Variants in TBC1D2B observed in about 807,000 individuals in gnomAD.
TBC1D2B encodes TBC1 domain family member 2B.
TBC1D2B carries 64 observed loss-of-function variants against 100.8 expected under a neutral mutation model. The observed-to-expected ratio is 0.64, with a 90% CI of 0.52 to 0.78. The LOEUF is 0.78. Among genes scored for constraint, TBC1D2B ranks in the 30% least tolerant of loss-of-function variants. The pLI is 0.00. For synonymous variants in TBC1D2B, 480 were observed against 479.7 expected (o/e 1.00, Z -0.01); for missense variants, 1,052 against 1,218.4 (o/e 0.86, Z 2.03).
intron 8 of TBC1D2B, among the ~76,000 whole-genome samples, chr15:78,016,187 T>TC (rs1440877250): frequency 1.3e-5 from 2 of 152,156 alleles, no homozygotes; most frequent in Non-Finnish European, 2.9e-5. Context: ...TAAGCTCAGT[T>TC]CCCCACTTAA....
intron 2 of TBC1D2B, among the ~76,000 whole-genome samples, chr15:78,048,900 T>C (rs951315999): frequency 7.9e-5 from 12 of 152,120 alleles, no homozygotes; most frequent in African/African-American, 2.2e-4. Context: ...AGAATTCTCA[T>C]AAAACTCAAC....
chr15:78,004,135 A>T (rs2071998233), intron 10 of TBC1D2B, among the ~76,000 whole-genome samples: 1 of 152,234 alleles, frequency 6.6e-6, no homozygotes, highest in Admixed American at 6.5e-5. Context: ...AATGAGGCTT[A>T]TATAAACTAC....
chr15:78,017,778 A>T, intron 7 of TBC1D2B, 69 bp downstream of exon 7: 1 of 1,021,062 alleles, frequency 9.8e-7, no homozygotes, highest in Non-Finnish European at 1.5e-6. Context: ...TTTGTAAAGC[A>T]TGCTTATTTT....
rs1250407407 is a variant in TBC1D2B, at chr15:78,016,529, G to T, written c.1775+17C>A. On this transcript the variant is annotated intron_variant, in intron 8 of 12. Transcript: ENST00000300584. ...GAAATGGGGTGCACTACCCTCAACA[G>T]TCACTAGCACATTTACCTGACAAGA... The T allele has an allele frequency of 6.2e-7, 1 of 1,609,912 alleles. No homozygotes were observed. Among genetic ancestry groups the T allele is most frequent in the African/African-American group, 1.3e-5 (1 of 74,816 alleles).
At chr15:78,015,920 C>T (rs535743632) in intron 8 of TBC1D2B, among the ~76,000 whole-genome samples, 3 of 152,274 alleles carry the variant, frequency 2.0e-5, no homozygotes, top group African/African-American at 7.2e-5. Context: ...TGAAGCAAGG[C>T]TTCACCTGGG....
rs62011474 is a variant in TBC1D2B, at chr15:77,996,512, C to T, written c.*1648G>A. The T allele has an allele frequency of 0.052, 7,943 of 152,238 alleles. 269 individuals are homozygous for T. Among genetic ancestry groups the T allele is most frequent in the Middle Eastern group, 0.11 (33 of 294 alleles). 9.4% of individuals were successfully genotyped at this position (152,238 alleles called of 1,614,324 possible). A position where few individuals can be genotyped will look rare whatever the true frequency, so the allele number is the denominator to read the frequency against. ...GAAGGAGTCAGACCTCAAACTGCTGCTCTCAAAGACAAAGACAATGACAAA... is the reference window on the plus strand; with the variant it reads ...GAAGGAGTCAGACCTCAAACTGCTGTTCTCAAAGACAAAGACAATGACAAA... On this transcript the variant is annotated 3_prime_UTR_variant, in exon 13 of 13. Transcript: ENST00000300584.
intron 1 of TBC1D2B, among the ~76,000 whole-genome samples, chr15:78,059,132 T>C (rs1362212396): frequency 1.3e-5 from 2 of 152,206 alleles, no homozygotes; most frequent in African/African-American, 2.4e-5. Flanking sequence ...TGGGTGTACA[T>C]TTTGTCTCCA....
At chr15:78,074,733 T>C (rs1365960880) in intron 1 of TBC1D2B, among the ~76,000 whole-genome samples, 2 of 152,238 alleles carry the variant, frequency 1.3e-5, no homozygotes, top group Non-Finnish European at 2.9e-5. Context: ...CTGTTTCACA[T>C]GATCTTCCTA....
chr15:78,042,045 G>A (rs1003335128), intron 3 of TBC1D2B, among the ~76,000 whole-genome samples: 2 of 152,182 alleles, frequency 1.3e-5, no homozygotes, highest in Admixed American at 1.3e-4. Context: ...CAGGCAGCCT[G>A]GTTCTTAATC....
chr15:78,026,028 C>T (rs1010527499), intron 4 of TBC1D2B, among the ~76,000 whole-genome samples: 6 of 151,484 alleles, frequency 4.0e-5, no homozygotes, highest in Non-Finnish European at 8.8e-5. Context: ...CTGGATCCTT[C>T]CTTGGAAGAC....
intron 12 of TBC1D2B, 109 bp downstream of exon 12, chr15:78,001,510 A>T: frequency 7.4e-7 from 1 of 1,358,592 alleles, no homozygotes; most frequent in African/African-American, 1.5e-5. Context: ...CCAACACTGT[A>T]CACCGGGGAT....
intron 1 of TBC1D2B, among the ~76,000 whole-genome samples, chr15:78,059,597 T>C (rs963520861): frequency 2.6e-5 from 4 of 152,066 alleles, no homozygotes; most frequent in African/African-American, 7.2e-5. Context: ...ACATTCTGCT[T>C]GAGGTGGGAA....
intron 12 of TBC1D2B, chr15:77,998,964 AAATGTT>A (rs1332700064): frequency 1.1e-5 from 2 of 176,482 alleles, no homozygotes; most frequent in African/African-American, 4.7e-5. Context: ...TTTTCAATAA[AAATGTT>A]AAGGTTATGA....
chr15:78,027,058 GA>G (rs368174591), intron 4 of TBC1D2B, among the ~76,000 whole-genome samples: 112 of 145,796 alleles, frequency 7.7e-4, no homozygotes, highest in African/African-American at 2.2e-3. Flanking sequence ...CACTAAAAAA[GA>G]AAAAAAAAAT....
intron 1 of TBC1D2B, among the ~76,000 whole-genome samples, chr15:78,070,712 C>G (rs2073730263): frequency 6.6e-6 from 1 of 152,194 alleles, no homozygotes; most frequent in African/African-American, 2.4e-5. Flanking sequence ...GGCTGGAGTA[C>G]AGTGGAGCAA....
At chr15:78,073,966 T>C (rs995416106) in intron 1 of TBC1D2B, among the ~76,000 whole-genome samples, 3 of 150,850 alleles carry the variant, frequency 2.0e-5, no homozygotes, top group African/African-American at 7.3e-5. Flanking sequence ...AAGACTCTGT[T>C]TCAAAAAAAA....
At chr15:77,998,589 G>C in intron 12 of TBC1D2B, 2 of 490,372 alleles carry the variant, frequency 4.1e-6, no homozygotes, top group South Asian at 3.0e-5. Context: ...CCACATGCTT[G>C]CTGTGTGACT....
intron 2 of TBC1D2B, among the ~76,000 whole-genome samples, chr15:78,047,317 TAAG>T (rs2073218193): frequency 6.6e-6 from 1 of 152,106 alleles, no homozygotes. Context: ...TATCATGTAT[TAAG>T]CACTAGGCAC....
At chr15:78,057,088 T>G (rs922796345) in intron 1 of TBC1D2B, among the ~76,000 whole-genome samples, 14 of 152,308 alleles carry the variant, frequency 9.2e-5, no homozygotes, top group African/African-American at 3.4e-4. Flanking sequence ...CCTCTGACAA[T>G]GCAGGCACCA....
Sources: gnomAD v4.1 joint callset for allele counts (sites outside exome capture counted in the v4.1 genomes callset) on GRCh38, gnomAD v4.1.1 for gene constraint, MANE v1.5 for transcripts, NCBI Gene and HGNC (gene_info 2026-07-23, HGNC 2026-07-21) for gene names.